ACCSL: variants seen among roughly 807,000 people sequenced by gnomAD.
ACCSL encodes the protein 1-aminocyclopropane-1-carboxylate synthase homolog (inactive) like.
In ACCSL, 55 loss-of-function variants were observed where a neutral mutation model predicts 61.7. That is an observed-to-expected ratio of 0.89 (90% CI 0.72 to 1.12). ACCSL has a LOEUF of 1.12. Among genes scored for constraint, ACCSL ranks in the 50% most tolerant of loss-of-function variants. The probability of loss-of-function intolerance (pLI) is 0.00; values close to 1 mark genes in which losing one functional copy is unlikely to be tolerated. For missense variants in ACCSL, 632 were observed against 698.0 expected (o/e 0.91, Z 1.07); for synonymous variants, 258 against 264.3 (o/e 0.98, Z 0.23).
intron 1 of ACCSL, among the ~76,000 whole-genome samples, chr11:44,049,640 G>T (rs541858825): frequency 2.0e-5 from 3 of 152,082 alleles, no homozygotes; most frequent in South Asian, 4.1e-4. Context: ...GCCAGATGGG[G>T]CCTTGGGGAT....
the ACCSL span, chr11:43,944,195 C>G: frequency 1.3e-5 from 3 of 224,298 alleles, no homozygotes; most frequent in Non-Finnish European, 2.7e-5. Flanking sequence ...CTCCTCCGTA[C>G]AGTTCACTTC....
At chr11:44,045,274 C>T (rs745848945), upstream of ACCSL, among the ~76,000 whole-genome samples, 35 of 152,030 alleles carry the variant, frequency 2.3e-4, no homozygotes, top group African/African-American at 7.7e-4. Flanking sequence ...CCCATCTCTA[C>T]AAAAGATACA....
the ACCSL span, among the ~76,000 whole-genome samples, chr11:43,975,387 A>G: frequency 2.6e-5 from 4 of 152,244 alleles, no homozygotes; most frequent in African/African-American, 9.6e-5. Context: ...GAGATATAAG[A>G]TATGACTTCC....
chr11:43,933,164 G>C, the ACCSL span: 1 of 456,248 alleles, frequency 2.2e-6, no homozygotes, highest in Admixed American at 2.3e-5. Context: ...CCTCAGGCTT[G>C]CTTTATGGAA....
At chr11:43,969,747 A>T in the ACCSL span, among the ~76,000 whole-genome samples, 1 of 152,050 alleles carries the variant, frequency 6.6e-6, no homozygotes, top group Non-Finnish European at 1.5e-5. Flanking sequence ...GGGCCCTGCC[A>T]CTTAGCCTGA....
At chr11:44,045,460 A>G (rs1055192025), upstream of ACCSL, among the ~76,000 whole-genome samples, 2 of 152,054 alleles carry the variant, frequency 1.3e-5, no homozygotes, top group Non-Finnish European at 2.9e-5. Context: ...AACCCCCCCC[A>G]CAAAAAAACC....
At chr11:43,989,265 C>T in the ACCSL span, among the ~76,000 whole-genome samples, 5 of 152,164 alleles carry the variant, frequency 3.3e-5, no homozygotes, top group East Asian at 1.9e-4. Flanking sequence ...GAGATGATGA[C>T]GATCTGGCCT....
the ACCSL span, among the ~76,000 whole-genome samples, chr11:43,968,903 C>T: frequency 1.3e-5 from 2 of 152,174 alleles, no homozygotes; most frequent in Admixed American, 1.3e-4. Context: ...CCATGAGAAA[C>T]AGAGCTTGGG....
chr11:44,001,548 T>C, the ACCSL span, among the ~76,000 whole-genome samples: 1 of 152,108 alleles, frequency 6.6e-6, no homozygotes, highest in Non-Finnish European at 1.5e-5. Context: ...CCTCTGCAGC[T>C]GGCTTGTCGG....
the ACCSL span, among the ~76,000 whole-genome samples, chr11:43,988,806 C>CTTT: frequency 6.6e-3 from 645 of 97,130 alleles, 10 homozygotes; most frequent in East Asian, 0.059. Context: ...ATTCTCTCTT[C>CTTT]TTTTTTTTTT....
chr11:43,951,424 G>A, the ACCSL span, among the ~76,000 whole-genome samples: 2 of 152,132 alleles, frequency 1.3e-5, no homozygotes, highest in Non-Finnish European at 2.9e-5. Flanking sequence ...ATTAAAATGG[G>A]CCAGCTGGGC....
At chr11:43,929,025 G>A in the ACCSL span, among the ~76,000 whole-genome samples, 1 of 152,210 alleles carries the variant, frequency 6.6e-6, no homozygotes, top group Middle Eastern at 3.2e-3. Context: ...AGTAGACCTG[G>A]TTCTAGTTCC....
chr11:43,990,301 T>A, the ACCSL span, among the ~76,000 whole-genome samples: 1 of 152,306 alleles, frequency 6.6e-6, no homozygotes, highest in South Asian at 2.1e-4. Context: ...AATTTATAAA[T>A]CATAGTAATT....
the ACCSL span, among the ~76,000 whole-genome samples, chr11:43,994,701 CAGCT>C: frequency 6.6e-6 from 1 of 152,082 alleles, no homozygotes; most frequent in Non-Finnish European, 1.5e-5. Context: ...GGCATGATCA[CAGCT>C]AACTGCAGCC....
the ACCSL span, among the ~76,000 whole-genome samples, chr11:43,984,764 G>A: frequency 6.6e-6 from 1 of 152,224 alleles, no homozygotes; most frequent in Non-Finnish European, 1.5e-5. Context: ...CCCAAACAGG[G>A]GTCAGGTCCT....
chr11:43,989,199 C>T, the ACCSL span, among the ~76,000 whole-genome samples: 3 of 152,228 alleles, frequency 2.0e-5, no homozygotes, highest in South Asian at 6.2e-4. Flanking sequence ...CGCTCATCAG[C>T]TGTGTGGCCT....
chr11:43,964,240 G>C, the ACCSL span, among the ~76,000 whole-genome samples: 1 of 151,908 alleles, frequency 6.6e-6, no homozygotes, highest in South Asian at 2.1e-4. Flanking sequence ...TCAAGAGATC[G>C]AGACCATCCT....
the ACCSL span, among the ~76,000 whole-genome samples, chr11:43,947,887 C>T: frequency 2.0e-5 from 3 of 152,170 alleles, no homozygotes; most frequent in South Asian, 6.2e-4. Flanking sequence ...AGCTGTGGAG[C>T]AGGCATGAGC....
the ACCSL span, among the ~76,000 whole-genome samples, chr11:44,000,245 C>T: frequency 6.6e-6 from 1 of 152,154 alleles, no homozygotes; most frequent in Non-Finnish European, 1.5e-5. Flanking sequence ...CTGCCTCAGC[C>T]TCTCAAGTAG....
Sources: gnomAD v4.1 joint callset for allele counts (sites outside exome capture counted in the v4.1 genomes callset) on GRCh38, gnomAD v4.1.1 for gene constraint, MANE v1.5 for transcripts, NCBI Gene and HGNC (gene_info 2026-07-23, HGNC 2026-07-21) for gene names.